ELFN1: variants seen among roughly 807,000 people sequenced by gnomAD.
The protein encoded by ELFN1 is protein ELFN1.
ELFN1 carries 6 observed loss-of-function variants against 7.6 expected under a neutral mutation model. That is an observed-to-expected ratio of 0.79 (90% CI 0.43 to 1.56). ELFN1 has a LOEUF of 1.56. Ranked by LOEUF, ELFN1 falls within the 40% of genes most tolerant of loss-of-function variation. The pLI is 0.01. For missense variants in ELFN1, 1,169 were observed against 1,232.2 expected, an observed-to-expected ratio of 0.95 and a Z score of 0.77; for synonymous variants, 657 against 588.1, an observed-to-expected ratio of 1.12 and a Z score of -1.70.
chr7:1,672,233 C>A (rs1027252606), intron 1 of ELFN1, among the ~76,000 whole-genome samples: 2 of 152,268 alleles, frequency 1.3e-5, no homozygotes, highest in South Asian at 2.1e-4. Flanking sequence ...CACCCAGGAC[C>A]AGAGGAGGGG....
Position 1,746,677 on chromosome 7 carries a change from C to A in ELFN1, c.2081C>A (p.Ala694Asp). The change falls in exon 4 of 4, where the codon GCC becomes GAC. Residue 694 changes from alanine (A) to aspartate (D), a missense_variant. Ala to Asp is a moderately radical substitution (Grantham distance 126). This residue lies in a region of ELFN1 where 914 missense variants were observed against 872.6 expected (regional missense o/e 1.05). Transcript: ENST00000424383. ...TPAAAVLRAE[A>D]EKGRQYGEHR... ...GCGGCCGCCGTGCTGCGGGCCGAGG[C>A]CGAGAAGGGTCGCCAGTACGGCGAG... 4 of 1,416,886 alleles carry A rather than the reference C, an allele frequency of 2.8e-6. No individual in the cohort carries two copies. The highest frequency in any genetic ancestry group is 1.8e-6 in the Non-Finnish European group (2 of 1,091,930). The allele number at this position is 1,416,886 out of a possible 1,614,324, so 87.8% of individuals were successfully genotyped here. A position where few individuals can be genotyped will look rare whatever the true frequency, so the allele number is the denominator to read the frequency against.
intron 3 of ELFN1, among the ~76,000 whole-genome samples, chr7:1,723,412 C>T (rs541701966): frequency 6.6e-6 from 1 of 152,306 alleles, no homozygotes; most frequent in African/African-American, 2.4e-5. Context: ...GCGTGTGGTA[C>T]AGCAGGTATC....
chr7:1,740,404 G>A lies in ELFN1; in HGVS notation c.-293-3900G>A, dbSNP rs1043322852. 1.3e-5 allele frequency among the ~76,000 whole-genome samples: 2 copies of A among 152,236 alleles called. No individual in the cohort carries two copies. Among genetic ancestry groups the A allele is most frequent in the Non-Finnish European group, 1.5e-5 (1 of 68,030 alleles). ...ACAGTAACGCCCATGCGGGGTCTCCGCACCTGCCCTCCGTGCCAGACAGCA... is the reference window on the plus strand; with the variant it reads ...ACAGTAACGCCCATGCGGGGTCTCCACACCTGCCCTCCGTGCCAGACAGCA... On this transcript the variant is annotated intron_variant, in intron 3 of 3. Transcript: ENST00000424383. The surrounding 1 kb of genome is among the most constrained non-coding windows in gnomAD (Gnocchi z 5.0).
chr7:1,704,844 A>C (rs114645704), intron 2 of ELFN1, among the ~76,000 whole-genome samples: 4,762 of 152,102 alleles, frequency 0.031, 265 homozygotes, highest in African/African-American at 0.11. Flanking sequence ...GGCAGGCCCC[A>C]CACCAAGGGT....
chr7:1,734,580 C>G (rs28444079), intron 3 of ELFN1, among the ~76,000 whole-genome samples: 29 of 152,328 alleles, frequency 1.9e-4, no homozygotes, highest in African/African-American at 6.5e-4. Flanking sequence ...CCAGGCACCC[C>G]CTTCCCGACC....
chr7:1,726,629 C>T (rs947502886), intron 3 of ELFN1, among the ~76,000 whole-genome samples: 1 of 152,194 alleles, frequency 6.6e-6, no homozygotes, highest in Non-Finnish European at 1.5e-5. Context: ...AGGCTCTGTC[C>T]AGGGAGGGCC....
At chr7:1,720,372 G>A (rs552247259) in intron 3 of ELFN1, among the ~76,000 whole-genome samples, 4 of 152,356 alleles carry the variant, frequency 2.6e-5, no homozygotes, top group African/African-American at 7.2e-5. Context: ...GCTCACGCCT[G>A]CCAGGAGGCC....
chr7:1,675,556 C>T (rs559046868), intron 1 of ELFN1, among the ~76,000 whole-genome samples: 1 of 152,358 alleles, frequency 6.6e-6, no homozygotes, highest in East Asian at 1.9e-4. Context: ...TTAATAAACA[C>T]AGATACAAAC....
intron 2 of ELFN1, among the ~76,000 whole-genome samples, chr7:1,700,179 G>T (rs1779396441): frequency 1.3e-5 from 2 of 152,156 alleles, no homozygotes; most frequent in Non-Finnish European, 2.9e-5. Flanking sequence ...CCCTGTGGAG[G>T]TGTAGACTGT....
rs143376319 is a variant in ELFN1 at position 1,747,302 on chromosome 7, C to CCACACA, written c.*247_*252dup. 0.051 allele frequency: 13,621 copies of CCACACA among 268,786 alleles called. 1,110 individuals carry two copies. Among genetic ancestry groups the CCACACA allele is most frequent in the African/African-American group, 0.25 (7,876 of 31,412 alleles). 16.7% of individuals were successfully genotyped at this position (268,786 alleles called of 1,614,324 possible). ...GCTTGTCGCCCCGGGTGGCACGTGT[C>CCACACA]CACACACACACACACACACACACAC... is the stretch of plus-strand genomic sequence containing the variant. On this transcript the variant is annotated 3_prime_UTR_variant, in exon 4 of 4. Coordinates refer to ENST00000424383, the MANE Select transcript of ELFN1 (RefSeq NM_001128636.4).
intron 3 of ELFN1, among the ~76,000 whole-genome samples, chr7:1,731,283 G>A (rs553095399): frequency 3.9e-5 from 6 of 152,276 alleles, no homozygotes; most frequent in Admixed American, 6.5e-5. Flanking sequence ...TTTACAAAGC[G>A]AGATAAAATC....
chr7:1,727,250 G>A (rs1260316315), intron 3 of ELFN1, among the ~76,000 whole-genome samples: 1 of 152,186 alleles, frequency 6.6e-6, no homozygotes, highest in Admixed American at 6.5e-5. Context: ...CTTCAGCCAG[G>A]CCTCTCCACC....
chr7:1,746,457 G>T lies in ELFN1; in HGVS notation c.1861G>T (p.Gly621Cys). The T allele has an allele frequency of 6.6e-7, 1 of 1,526,458 alleles. No homozygotes were observed. The highest frequency in any genetic ancestry group is 8.8e-7 in the Non-Finnish European group (1 of 1,141,346). The allele number at this position is 1,526,458 out of a possible 1,614,324, so 94.6% of individuals were successfully genotyped here. ...GGCGCCCGGGTACAAGGACGCCTTC[G>T]GCCACAGCCTGCAGCGGCACCACAG... ...FLAPGYKDAF[G>C]HSLQRHHSVE... The change falls in exon 4 of 4, where the codon GGC becomes TGC. Residue 621 changes from glycine to cysteine, a missense_variant. This residue lies in a region of ELFN1 where 914 missense variants were observed against 872.6 expected (regional missense o/e 1.05). Coordinates refer to ENST00000424383, the MANE Select transcript of ELFN1 (RefSeq NM_001128636.4).
At chr7:1,728,835 C>A (rs892756067) in intron 3 of ELFN1, among the ~76,000 whole-genome samples, 1 of 152,192 alleles carries the variant, frequency 6.6e-6, no homozygotes, top group Admixed American at 6.5e-5. Flanking sequence ...GGGAGTTTCA[C>A]ACCAGCTCCT....
intron 1 of ELFN1, among the ~76,000 whole-genome samples, chr7:1,672,327 C>T (rs1040683203): frequency 1.3e-5 from 2 of 152,158 alleles, no homozygotes; most frequent in African/African-American, 2.4e-5. Flanking sequence ...TGGAGGCAGG[C>T]TCCCCACACC....
chr7:1,715,189 C>A lies in ELFN1; in HGVS notation c.-294+5937C>A, dbSNP rs536575830. Among the ~76,000 whole-genome samples, 27 of 152,326 alleles carry A rather than the reference C, an allele frequency of 1.8e-4. No individual in the cohort carries two copies. In the South Asian group the frequency reaches 5.4e-3, roughly 30 times the overall value. On this transcript the variant is annotated intron_variant, in intron 3 of 3. Transcript: ENST00000424383. The stretch of plus-strand genomic sequence containing the variant: ...AGTCACTGCTGCCTTTGGGTTGGTG[C>A]TTACTATATGTCTTATTCATTTGCC...
Position 1,673,336 on chromosome 7 carries a change from A to G in ELFN1, c.-549+2982A>G, listed in dbSNP as rs949751976. ...CGTCTGTGTCCTGTTGTGTTGGTTC[A>G]GGTCAGGGGATTCCAGCAGGGTGGG... On this transcript the variant is annotated intron_variant, in intron 1 of 3. Coordinates refer to ENST00000424383, the MANE Select transcript of ELFN1 (RefSeq NM_001128636.4). This position sits in a 1 kb window ranked among gnomAD's most constrained non-coding sequence, Gnocchi z 4.7. 1.3e-5 allele frequency among the ~76,000 whole-genome samples: 2 copies of G among 152,118 alleles called. No homozygotes were observed. Among genetic ancestry groups the G allele is most frequent in the Non-Finnish European group, 2.9e-5 (2 of 68,022 alleles).
intron 3 of ELFN1, among the ~76,000 whole-genome samples, chr7:1,725,793 A>G (rs529995809): frequency 1.3e-5 from 2 of 152,286 alleles, no homozygotes; most frequent in South Asian, 4.1e-4. Context: ...ACACATGCGC[A>G]CACACACAGT....
chr7:1,746,478 C>A lies in ELFN1; in HGVS notation c.1882C>A (p.His628Asn), dbSNP rs944387223. 2.0e-5 allele frequency: 30 copies of A among 1,513,866 alleles called. No homozygotes were observed. In the Admixed American group the frequency reaches 6.3e-4, roughly 32 times the overall value. 93.8% of individuals were successfully genotyped at this position (1,513,866 alleles called of 1,614,324 possible). A position where few individuals can be genotyped will look rare whatever the true frequency, so the allele number is the denominator to read the frequency against. The change falls in exon 4 of 4, where the codon CAC becomes AAC. Residue 628 changes from histidine to asparagine, a missense_variant. Transcript: ENST00000424383. ...CTTCGGCCACAGCCTGCAGCGGCAC[C>A]ACAGCGTGGAGGCCGCCGGGCCCCC... ...DAFGHSLQRHHSVEAAGPPRA... is the reference protein window; with the variant it reads ...DAFGHSLQRHNSVEAAGPPRA...
Sources: allele counts gnomAD v4.1 joint callset (sites outside exome capture counted in the v4.1 genomes callset), GRCh38; gene constraint gnomAD v4.1.1; regional missense constraint gnomAD v4.1.1; non-coding constraint Gnocchi (gnomAD v3.1); transcripts MANE v1.5; gene names NCBI Gene and HGNC (gene_info 2026-07-23, HGNC 2026-07-21).